Variants in PSMA1 observed in about 807,000 individuals in gnomAD.
PSMA1 encodes the protein proteasome subunit alpha type-1.
Under a neutral mutation model 38.4 loss-of-function variants are expected in PSMA1, and 3 were observed. The ratio of observed to expected loss-of-function variants is 0.08; its 90% CI spans 0.04 to 0.20. The LOEUF is 0.20. Among genes scored for constraint, PSMA1 ranks in the 10% least tolerant of loss-of-function variants. PSMA1 has a pLI of 1.00. For synonymous variants in PSMA1, 101 were observed against 107.1 expected (o/e 0.94, Z 0.35); for missense variants, 227 against 325.3 (o/e 0.70, Z 2.32).
intron 1 of PSMA1, among the ~76,000 whole-genome samples, chr11:14,630,301 T>G (rs986889199): frequency 2.0e-5 from 3 of 152,194 alleles, no homozygotes; most frequent in African/African-American, 4.8e-5. Context: ...GGCTGTGGGT[T>G]TCTCATAGAT....
chr11:14,628,413 G>A (rs1211638728), intron 1 of PSMA1, among the ~76,000 whole-genome samples: 11 of 145,684 alleles, frequency 7.6e-5, no homozygotes, highest in South Asian at 2.3e-4. Context: ...GAGAATATGC[G>A]GTGTTTGGTT....
chr11:14,601,442 G>A (rs529355996), intron 2 of PSMA1, among the ~76,000 whole-genome samples: 10 of 152,238 alleles, frequency 6.6e-5, no homozygotes, highest in East Asian at 5.8e-4. Flanking sequence ...AAAGGCTGCC[G>A]TTCTTCCACC....
chr11:14,617,434 T>A (rs1041390136), intron 1 of PSMA1, among the ~76,000 whole-genome samples: 13 of 152,310 alleles, frequency 8.5e-5, no homozygotes, highest in Admixed American at 6.5e-4. Context: ...AGCAGAAATC[T>A]TTTTCTATTA....
At chr11:14,549,619 C>T (rs1349859274) in intron 2 of PSMA1, among the ~76,000 whole-genome samples, 2 of 150,178 alleles carry the variant, frequency 1.3e-5, no homozygotes, top group Non-Finnish European at 3.0e-5. Context: ...GAGAATGGTG[C>T]GAACCTGGGA....
intron 2 of PSMA1, among the ~76,000 whole-genome samples, chr11:14,573,021 T>G (rs920796195): frequency 2.5e-4 from 38 of 152,070 alleles, no homozygotes; most frequent in Non-Finnish European, 4.9e-4. Context: ...AGGCAATAAT[T>G]AATAGCCTAC....
intron 2 of PSMA1, among the ~76,000 whole-genome samples, chr11:14,554,908 G>A (rs1183243869): frequency 6.6e-6 from 1 of 152,076 alleles, no homozygotes; most frequent in Non-Finnish European, 1.5e-5. Flanking sequence ...GATAGATTTG[G>A]AACCCAGGCC....
chr11:14,507,798 A>G, intron 8 of PSMA1, 32 bp from the exon 9 acceptor site: 1 of 1,382,280 alleles, frequency 7.2e-7, no homozygotes, highest in Middle Eastern at 1.8e-4. Flanking sequence ...AAGTAAAATA[A>G]GAGAATTTGG....
chr11:14,599,717 C>G (rs1440284359), intron 2 of PSMA1, among the ~76,000 whole-genome samples: 1 of 152,106 alleles, frequency 6.6e-6, no homozygotes, highest in Non-Finnish European at 1.5e-5. Flanking sequence ...TCTGTTATTA[C>G]CGACCTTCTG....
At chr11:14,539,027 G>A (rs1464295052) in intron 2 of PSMA1, among the ~76,000 whole-genome samples, 4 of 152,204 alleles carry the variant, frequency 2.6e-5, no homozygotes. Context: ...TGTTTTAAAA[G>A]TACCTTTGGA....
intron 4 of PSMA1, among the ~76,000 whole-genome samples, chr11:14,516,648 G>T (rs879557886): frequency 2.6e-5 from 4 of 152,162 alleles, no homozygotes; most frequent in Non-Finnish European, 5.9e-5. Flanking sequence ...AAAATAGGCT[G>T]GGTGCAGTGG....
chr11:14,538,151 C>G (rs1470832098), intron 2 of PSMA1, among the ~76,000 whole-genome samples: 1 of 152,120 alleles, frequency 6.6e-6, no homozygotes, highest in Admixed American at 6.5e-5. Context: ...AAAAACTACA[C>G]ATAGTTCCTA....
At chr11:14,602,843 A>G (rs1184015277) in intron 2 of PSMA1, among the ~76,000 whole-genome samples, 1 of 152,168 alleles carries the variant, frequency 6.6e-6, no homozygotes, top group East Asian at 1.9e-4. Flanking sequence ...GCAGACCTGG[A>G]GCCATTTCAG....
At position 14,575,757 on chromosome 11, in the gene PSMA1, TC is replaced by T. The variant is rs1340174011; in HGVS notation, c.21+35208del. The stretch of plus-strand genomic sequence containing the variant: ...GTCTTTATAGCAGCATGATTTATAA[TC>T]CTTTGGGTATATACCCAGTAATGGG... On this transcript the variant is annotated intron_variant, in intron 2 of 10. Coordinates refer to the PSMA1 transcript ENST00000418988. Among the ~76,000 whole-genome samples, 3 of 152,220 alleles carry T rather than the reference TC, an allele frequency of 2.0e-5. No individual in the cohort carries two copies. The East Asian group carries it at 5.8e-4, about 29-fold the overall frequency.
At chr11:14,597,513 T>C (rs181193056) in intron 2 of PSMA1, among the ~76,000 whole-genome samples, 207 of 152,338 alleles carry the variant, frequency 1.4e-3, no homozygotes, top group African/African-American at 4.6e-3. Context: ...TTCTTCTAGA[T>C]TTTCTAGTTT....
At chr11:14,520,118 G>A in intron 1 of PSMA1, 179 bp downstream of exon 1, 3 of 974,976 alleles carry the variant, frequency 3.1e-6, no homozygotes, top group Non-Finnish European at 4.7e-6. Flanking sequence ...ACTGGCTACC[G>A]ATAACCCCTA....
chr11:14,594,021 A>G (rs1852454296), intron 2 of PSMA1, among the ~76,000 whole-genome samples: 2 of 152,182 alleles, frequency 1.3e-5, no homozygotes, highest in African/African-American at 2.4e-5. Flanking sequence ...ACTTCTAGGA[A>G]AGGTTTACCT....
intron 1 of PSMA1, among the ~76,000 whole-genome samples, chr11:14,631,638 T>A (rs1853012693): frequency 6.6e-6 from 1 of 152,202 alleles, no homozygotes; most frequent in Non-Finnish European, 1.5e-5. Flanking sequence ...AAAATGTATA[T>A]TCTGTTGATT....
At chr11:14,618,065 G>A (rs189399529) in intron 1 of PSMA1, among the ~76,000 whole-genome samples, 64 of 152,164 alleles carry the variant, frequency 4.2e-4, no homozygotes, top group African/African-American at 7.7e-4. Flanking sequence ...CCATTTGACC[G>A]CTTTTATGGA....
intron 2 of PSMA1, among the ~76,000 whole-genome samples, chr11:14,542,610 A>G (rs533505847): frequency 6.6e-6 from 1 of 152,326 alleles, no homozygotes; most frequent in East Asian, 1.9e-4. Flanking sequence ...TGGTGTCATA[A>G]ACCTGAGGTG....
Sources: allele counts gnomAD v4.1 joint callset (sites outside exome capture counted in the v4.1 genomes callset), GRCh38; gene constraint gnomAD v4.1.1; transcripts MANE v1.5; gene names NCBI Gene and HGNC (gene_info 2026-07-23, HGNC 2026-07-21).